ERICH2: variants seen among roughly 807,000 people sequenced by gnomAD.
ERICH2 encodes glutamate-rich protein 2.
A neutral mutation model predicts 17.4 loss-of-function variants in ERICH2; 17 were observed. That is an observed-to-expected ratio of 0.98 (90% CI 0.67 to 1.47). The LOEUF is 1.47. Among genes scored for constraint, ERICH2 ranks in the 40% most tolerant of loss-of-function variants. ERICH2 has a pLI of 0.00. For missense variants in ERICH2, 186 were observed against 183.2 expected (o/e 1.01, Z -0.09); for synonymous variants, 51 against 61.1 (o/e 0.83, Z 0.77).
chr2:170,792,885 G>T, exon 3 of ERICH2: 1 of 1,514,384 alleles, frequency 6.6e-7, no homozygotes, highest in Non-Finnish European at 8.9e-7. Context: ...GAAATGGCCC[G>T]AGAGTACCAG....
chr2:170,796,428 G>T (rs113121483), intron 3 of ERICH2, among the ~76,000 whole-genome samples: 79 of 114,506 alleles, frequency 6.9e-4, no homozygotes, highest in Admixed American at 1.6e-3. Flanking sequence ...CTCTCTCTTT[G>T]TTTTTTTTTT....
chr2:170,783,794 CT>C, exon 1 of ERICH2: 1 of 1,550,326 alleles, frequency 6.5e-7, no homozygotes, highest in Non-Finnish European at 8.7e-7. Flanking sequence ...TTGAGTCAGT[CT>C]ACAGGCTAGG....
chr2:170,783,915 T>G (rs1369045143), intron 1 of ERICH2: 1 of 1,549,932 alleles, frequency 6.5e-7, no homozygotes, highest in South Asian at 1.2e-5. Flanking sequence ...TGGAAGAACT[T>G]GATATTCCTT....
At chr2:170,798,629 C>G (rs1323191588) in intron 4 of ERICH2, 141 bp from the exon 10 acceptor site, 1 of 869,622 alleles carries the variant, frequency 1.1e-6, no homozygotes, top group Non-Finnish European at 1.7e-6. Context: ...CCATTTGACC[C>G]TAGTGCAGTT....
the ERICH2 span, among the ~76,000 whole-genome samples, chr2:170,778,758 T>TAAC: frequency 6.6e-6 from 1 of 152,172 alleles, no homozygotes; most frequent in African/African-American, 2.4e-5. Flanking sequence ...ATTTGAAATA[T>TAAC]AACTTTCAAT....
At chr2:170,775,123 A>G in the ERICH2 span, among the ~76,000 whole-genome samples, 1 of 56,858 alleles carries the variant, frequency 1.8e-5, no homozygotes, top group Non-Finnish European at 3.9e-5. Flanking sequence ...AGAGCTAGAA[A>G]GGAGAGGACT....
In ERICH2 at chr2:170,789,340, A is replaced by G. The variant is rs147941379; in HGVS notation, c.217-3523A>G. Among the ~76,000 whole-genome samples the G allele has an allele frequency of 3.2e-4, 48 of 152,280 alleles. 1 individual carries two copies. The East Asian group carries it at 9.0e-3, about 29-fold the overall frequency. Reference sequence around the variant, plus strand: ...AAACTTCACCCGTAAATACTCAAGCATGGGTCTCCAAAGTTCATTCTTCAG... The same window carrying G: ...AAACTTCACCCGTAAATACTCAAGCGTGGGTCTCCAAAGTTCATTCTTCAG... On this transcript the variant is annotated intron_variant, in intron 2 of 4. Transcript: ENST00000409885.
upstream of ERICH2, chr2:170,779,982 A>C: frequency 5.2e-6 from 2 of 385,884 alleles, no homozygotes; most frequent in Non-Finnish European, 7.1e-6. Context: ...TGAAAGAATT[A>C]TTTCAGTAGA....
intron 2 of ERICH2, among the ~76,000 whole-genome samples, chr2:170,787,031 TTTTGTTTGTTTGTTTG>T (rs141133369): frequency 1.3e-5 from 2 of 151,188 alleles, no homozygotes; most frequent in Non-Finnish European, 2.9e-5. Flanking sequence ...CATGCCTATA[TTTTGTTTGTTTGTTTG>T]TTTGTTTGTT....
At chr2:170,784,938 A>C in intron 2 of ERICH2, 105 bp downstream of exon 7, 1 of 949,874 alleles carries the variant, frequency 1.1e-6, no homozygotes, top group Non-Finnish European at 1.4e-6. Context: ...AGTAGATCTC[A>C]TGGAGGCAGA....
the ERICH2 span, chr2:170,770,807 G>C: frequency 0.014 from 2,176 of 154,238 alleles, 53 homozygotes; most frequent in African/African-American, 0.05. Flanking sequence ...CCACAACCGC[G>C]GGGCTGTCCC....
intron 2 of ERICH2, among the ~76,000 whole-genome samples, chr2:170,790,395 G>A (rs1701260120): frequency 6.6e-6 from 1 of 152,230 alleles, no homozygotes; most frequent in Admixed American, 6.5e-5. Context: ...GGGAGGCCAA[G>A]GCAGGCGGAT....
upstream of ERICH2, chr2:170,779,674 G>T: frequency 1.6e-5 from 3 of 191,260 alleles, no homozygotes; most frequent in Non-Finnish European, 2.9e-5. Flanking sequence ...AGCACTCAGC[G>T]CTGACTGAGC....
chr2:170,770,623 C>G, the ERICH2 span: 2 of 155,262 alleles, frequency 1.3e-5, no homozygotes, highest in Non-Finnish European at 2.9e-5. Context: ...TTTTACTCCC[C>G]AAGTTTAAAA....
upstream of ERICH2, among the ~76,000 whole-genome samples, chr2:170,779,255 G>A (rs1362490): frequency 0.42 from 63,684 of 151,936 alleles, 14,530 homozygotes; most frequent in African/African-American, 0.59. Context: ...CTTCCATTCC[G>A]CTCTCCACCC....
intron 3 of ERICH2, among the ~76,000 whole-genome samples, chr2:170,794,601 T>C (rs62168447): frequency 0.24 from 37,142 of 152,158 alleles, 5,506 homozygotes; most frequent in South Asian, 0.37. Flanking sequence ...TATCATCTTT[T>C]CAACTATTTT....
chr2:170,792,183 T>G lies in ERICH2; in HGVS notation c.217-680T>G, dbSNP rs1382558396. Among the ~76,000 whole-genome samples the G allele has an allele frequency of 5.9e-5, 9 of 152,356 alleles. No homozygotes were observed. In the East Asian group the frequency reaches 1.7e-3, roughly 29 times the overall value. On this transcript the variant is annotated intron_variant, in intron 2 of 4. Coordinates refer to ENST00000409885, the Ensembl canonical transcript of ERICH2. ...GATCACAATCCATGGTTTATTTTTT[T>G]TAAGTTACTAAATAATCTTAAATGT...
chr2:170,792,176 A>AT (rs898669124), intron 2 of ERICH2, among the ~76,000 whole-genome samples: 1 of 151,986 alleles, frequency 6.6e-6, no homozygotes, highest in Non-Finnish European at 1.5e-5. Context: ...TCCATGGTTT[A>AT]TTTTTTTTAA....
the ERICH2 span, chr2:170,771,297 C>T: frequency 1.3e-5 from 2 of 152,572 alleles, no homozygotes; most frequent in African/African-American, 2.4e-5. The surrounding 1 kb of genome is among the most constrained non-coding windows in gnomAD (Gnocchi z 4.8). Context: ...GTCTGCGGAC[C>T]GCTCTACCGC....
Sources: gnomAD v4.1 joint callset for allele counts (sites outside exome capture counted in the v4.1 genomes callset) on GRCh38, gnomAD v4.1.1 for gene constraint, Gnocchi (gnomAD v3.1) non-coding constraint, MANE v1.5 for transcripts, NCBI Gene and HGNC (gene_info 2026-07-23, HGNC 2026-07-21) for gene names.